The following CEMIP variants were observed in gnomAD, a reference collection of about 807,000 sequenced individuals.
CEMIP encodes cell migration inducing hyaluronidase 1, also known as cell migration-inducing and hyaluronan-binding protein.
A neutral mutation model predicts 156.9 loss-of-function variants in CEMIP; 105 were observed. The observed-to-expected ratio is 0.67, with a 90% CI of 0.57 to 0.79. The LOEUF is 0.79. Ranked by LOEUF, CEMIP falls within the 30% of genes least tolerant of loss-of-function variation. CEMIP has a pLI of 0.00. For synonymous variants in CEMIP, 676 were observed against 668.4 expected (o/e 1.01, Z -0.17); for missense variants, 1,457 against 1,769.4 (o/e 0.82, Z 3.17).
At chr15:80,888,614 G>A (rs1898930014) in intron 8 of CEMIP, 87 bp from the exon 9 acceptor site, 1 of 996,668 alleles carries the variant, frequency 1.0e-6, no homozygotes. Context: ...ATGCCCATGT[G>A]CGTAGGGGGG....
At chr15:80,813,668 A>G (rs1286438609) in intron 1 of CEMIP, among the ~76,000 whole-genome samples, 2 of 152,132 alleles carry the variant, frequency 1.3e-5, no homozygotes, top group African/African-American at 4.8e-5. Flanking sequence ...CTGTCTTAAG[A>G]GTAGGAACCT....
chr15:80,881,348 C>G (rs1898652487), intron 6 of CEMIP, among the ~76,000 whole-genome samples: 1 of 152,098 alleles, frequency 6.6e-6, no homozygotes. Context: ...TATGTACATA[C>G]AACGTAGTTT....
chr15:80,909,156 G>A lies in CEMIP; in HGVS notation c.1647G>A (p.Gln549=), dbSNP rs1294053397. 6.2e-7 allele frequency: 1 copy of A among 1,614,046 alleles called. No homozygotes were observed. Among genetic ancestry groups the A allele is most frequent in the African/African-American group, 1.3e-5 (1 of 74,906 alleles). The part of the protein sequence containing the change: ...LEGTELKHMG[Q]QLVGQYPIHF... ...GCACGGAGCTGAAGCATATGGGACA[G>A]CAGCTGGTGGGTCAGTACCCGATTC... The change falls in exon 14 of 30, where the codon CAG becomes CAA. Residue 549 remains glutamine, a synonymous_variant. Transcript: ENST00000394685.
At chr15:80,844,509 C>CA (rs762462037) in intron 1 of CEMIP, among the ~76,000 whole-genome samples, 15 of 152,298 alleles carry the variant, frequency 9.8e-5, no homozygotes, top group Non-Finnish European at 2.2e-4. Flanking sequence ...CCATTGCCTC[C>CA]ATGGTAGGAC....
chr15:80,887,931 G>A (rs777295818), intron 8 of CEMIP, among the ~76,000 whole-genome samples, 167 bp downstream of exon 8: 17 of 152,348 alleles, frequency 1.1e-4, no homozygotes, highest in Non-Finnish European at 2.2e-4. Context: ...AAGTGGCAAA[G>A]GCCAATGCTG....
intron 23 of CEMIP, among the ~76,000 whole-genome samples, chr15:80,933,739 G>C (rs1901015385): frequency 6.6e-6 from 1 of 152,202 alleles, no homozygotes; most frequent in Admixed American, 6.5e-5. Flanking sequence ...ATTGGACCTT[G>C]GGCAAATTAC....
chr15:80,892,007 C>A (rs1899046658), intron 10 of CEMIP, among the ~76,000 whole-genome samples: 1 of 152,172 alleles, frequency 6.6e-6, no homozygotes, highest in Admixed American at 6.5e-5. Context: ...CAGGGAGAGA[C>A]TAAAATGAAA....
chr15:80,926,857 G>A (rs1213942014), intron 19 of CEMIP, among the ~76,000 whole-genome samples: 15 of 140,796 alleles, frequency 1.1e-4, no homozygotes, highest in South Asian at 8.8e-4. Context: ...TTGAGATGGA[G>A]TCTTACTCTG....
At chr15:80,816,408 C>T (rs752640686) in intron 1 of CEMIP, among the ~76,000 whole-genome samples, 1 of 152,188 alleles carries the variant, frequency 6.6e-6, no homozygotes, top group Non-Finnish European at 1.5e-5. Flanking sequence ...CTGCTTCCTA[C>T]TCCAGGGCCT....
chr15:80,888,382 C>A (rs1401298532), intron 8 of CEMIP, among the ~76,000 whole-genome samples: 1 of 152,076 alleles, frequency 6.6e-6, no homozygotes, highest in African/African-American at 2.4e-5. Context: ...CAGTAGTAGC[C>A]TCCTTTGCCC....
chr15:80,870,336 T>C (rs976712880), intron 1 of CEMIP, among the ~76,000 whole-genome samples: 12 of 152,308 alleles, frequency 7.9e-5, no homozygotes, highest in African/African-American at 2.9e-4. Flanking sequence ...CAGCTTAAAC[T>C]GACCCTTTCT....
Position 80,884,275 on chromosome 15 carries a change from G to A in CEMIP, c.718G>A (p.Gly240Ser). ...CCTTTCTGTTGCAGTGAATGATGAA[G>A]GTTCTCGAAATCTGGATGACATGGC... Reference protein sequence around the residue: ...RILSVAVNDEGSRNLDDMARK... With the variant: ...RILSVAVNDESSRNLDDMARK... The change falls in exon 7 of 30, where the codon GGT becomes AGT. Residue 240 changes from glycine to serine, a missense_variant. Around this residue, in one of 5 missense-constraint regions of CEMIP, gnomAD observed 309 missense variants for 340.8 expected, o/e 0.91. Transcript: ENST00000394685. The A allele has an allele frequency of 6.2e-7, 1 of 1,614,202 alleles. No homozygotes were observed. The highest frequency in any genetic ancestry group is 8.5e-7 in the Non-Finnish European group (1 of 1,180,028).
intron 12 of CEMIP, among the ~76,000 whole-genome samples, chr15:80,903,491 A>G (rs1899660933): frequency 6.6e-6 from 1 of 152,214 alleles, no homozygotes; most frequent in East Asian, 1.9e-4. Context: ...TAGCAAAGGC[A>G]TGTTCAAGGA....
Position 80,906,795 on chromosome 15 carries a change from T to G in CEMIP, c.1544T>G (p.Ile515Ser), listed in dbSNP as rs374275277. ...AAATGCTACCCCTACAGAAACCACATCTGCAATTTCTTTGACTTCGATACC... is the reference window on the plus strand; with the variant it reads ...AAATGCTACCCCTACAGAAACCACAGCTGCAATTTCTTTGACTTCGATACC... ...EDKCYPYRNH[I>S]CNFFDFDTFG... Residue 515 changes from isoleucine to serine, a missense_variant, in exon 13 of 30, where the codon ATC (isoleucine) becomes AGC (serine). Around this residue, in one of 5 missense-constraint regions of CEMIP, gnomAD observed 280 missense variants for 300.3 expected, o/e 0.93. Coordinates refer to ENST00000394685, the MANE Select transcript of CEMIP (RefSeq NM_001293298.2). This position sits in a 1 kb window ranked among gnomAD's most constrained non-coding sequence, Gnocchi z 4.3. 17 of 1,614,154 alleles carry G rather than the reference T, an allele frequency of 1.1e-5. No homozygotes were observed. The highest frequency in any genetic ancestry group is 1.4e-5 in the Non-Finnish European group (16 of 1,180,016).
At chr15:80,849,525 G>A (rs937464639) in intron 1 of CEMIP, among the ~76,000 whole-genome samples, 8 of 152,226 alleles carry the variant, frequency 5.3e-5, no homozygotes, top group East Asian at 1.9e-4. Flanking sequence ...CCGTGGGATC[G>A]GTTACCAACT....
chr15:80,899,648 C>T (rs1467793970), intron 12 of CEMIP, among the ~76,000 whole-genome samples: 2 of 151,438 alleles, frequency 1.3e-5, no homozygotes, highest in African/African-American at 2.4e-5. Flanking sequence ...GCATGGGGCT[C>T]GAGAGAGAGG....
At chr15:80,894,431 A>G (rs12905383) in intron 10 of CEMIP, among the ~76,000 whole-genome samples, 29,382 of 152,086 alleles carry the variant, frequency 0.19, 3,094 homozygotes, top group East Asian at 0.26. Flanking sequence ...ATATAGGTAA[A>G]CATCTAGCTT....
At chr15:80,942,417 TACTGCAA>T (rs1901378484) in intron 27 of CEMIP, 80 bp downstream of exon 27, 3 of 1,216,902 alleles carry the variant, frequency 2.5e-6, no homozygotes, top group Admixed American at 3.5e-5. Context: ...TGGCACAAAT[TACTGCAA>T]ACTGGGAGCA....
intron 1 of CEMIP, among the ~76,000 whole-genome samples, chr15:80,868,529 A>C (rs1248978553): frequency 6.6e-6 from 1 of 152,210 alleles, no homozygotes; most frequent in Non-Finnish European, 1.5e-5. Context: ...AAACAGGTGC[A>C]CGCTGAAGTT....
Sources: gnomAD v4.1 joint callset for allele counts (sites outside exome capture counted in the v4.1 genomes callset) on GRCh38, gnomAD v4.1.1 for gene constraint, gnomAD v4.1.1 regional missense constraint, Gnocchi (gnomAD v3.1) non-coding constraint, MANE v1.5 for transcripts, NCBI Gene and HGNC (gene_info 2026-07-23, HGNC 2026-07-21) for gene names.